Variants in KIF15 observed in about 807,000 individuals in gnomAD.
KIF15 encodes kinesin family member 15.
In KIF15, 140 loss-of-function variants were observed where a neutral mutation model predicts 190.6. The ratio of observed to expected loss-of-function variants is 0.73; its 90% CI spans 0.64 to 0.84. KIF15 has a LOEUF of 0.84. Ranked by LOEUF, KIF15 falls within the 40% of genes least tolerant of loss-of-function variation. The pLI is 0.00. For missense variants in KIF15, 1,372 were observed against 1,584.4 expected, an observed-to-expected ratio of 0.87 and a Z score of 2.28; for synonymous variants, 528 against 551.3, an observed-to-expected ratio of 0.96 and a Z score of 0.59.
Position 44,852,195 on chromosome 3 carries a change from T to C in KIF15, c.3973-13T>C. The C allele has an allele frequency of 6.2e-7, 1 of 1,604,344 alleles. No homozygotes were observed. The highest frequency in any genetic ancestry group is 8.5e-7 in the Non-Finnish European group (1 of 1,174,714). The stretch of plus-strand genomic sequence containing the variant: ...ACTTCTCATTTTTCCCTCCTTGGAT[T>C]GATTACCTGCAGGAGATGGAAATGT... On this transcript the variant is annotated splice_polypyrimidine_tract_variant and intron_variant, in intron 33 of 34. Coordinates refer to ENST00000326047, the MANE Select transcript of KIF15 (RefSeq NM_020242.3).
intron 7 of KIF15, among the ~76,000 whole-genome samples, chr3:44,792,972 A>G (rs578053235): frequency 6.6e-6 from 1 of 152,280 alleles, no homozygotes; most frequent in Admixed American, 6.5e-5. Flanking sequence ...TACCCTATAT[A>G]TACTGTTACC....
chr3:44,814,336 T>C (rs1173454640), intron 19 of KIF15, among the ~76,000 whole-genome samples: 11 of 152,096 alleles, frequency 7.2e-5, no homozygotes, highest in Admixed American at 6.5e-4. Context: ...TGAGACAGAG[T>C]CTCACTTTGT....
downstream of KIF15, among the ~76,000 whole-genome samples, chr3:44,856,397 G>A (rs935799958): frequency 2.6e-5 from 4 of 152,192 alleles, no homozygotes; most frequent in Non-Finnish European, 4.4e-5. Context: ...AGATTTCCAC[G>A]ATGGAAAGGA....
chr3:44,776,510 CT>C (rs1199871456), intron 3 of KIF15, among the ~76,000 whole-genome samples: 1 of 151,796 alleles, frequency 6.6e-6, no homozygotes, highest in East Asian at 1.9e-4. Context: ...TTAAATAAAA[CT>C]TGAAAGTCAG....
Position 44,852,455 on chromosome 3 carries a change from C to T in KIF15, c.4104+116C>T, listed in dbSNP as rs1699095109. ...TTAACTGCTTACTTCAGGGAGCTTCCTGAATTAAAAAAAAAAAAAAAGTTG... is the reference window on the plus strand; with the variant it reads ...TTAACTGCTTACTTCAGGGAGCTTCTTGAATTAAAAAAAAAAAAAAAGTTG... On this transcript the variant is annotated intron_variant, in intron 34 of 34. Transcript: ENST00000326047. 4 of 1,065,948 alleles carry T rather than the reference C, an allele frequency of 3.8e-6. No individual in the cohort carries two copies. The African/African-American group carries it at 4.9e-5, about 13-fold the overall frequency. The allele number at this position is 1,065,948 out of a possible 1,614,324, so 66.0% of individuals were successfully genotyped here.
chr3:44,841,338 A>G, intron 29 of KIF15, 100 bp downstream of exon 29: 3 of 811,894 alleles, frequency 3.7e-6, no homozygotes, highest in Non-Finnish European at 5.8e-6. Flanking sequence ...TGCCTCAGCC[A>G]CCCAGTATCT....
chr3:44,783,059 C>T (rs761834771), intron 5 of KIF15, among the ~76,000 whole-genome samples: 21 of 151,930 alleles, frequency 1.4e-4, no homozygotes, highest in Non-Finnish European at 2.5e-4. Context: ...GGAATAAAGA[C>T]GATTAGGGGA....
intron 5 of KIF15, among the ~76,000 whole-genome samples, chr3:44,782,197 T>C (rs1706200604): frequency 6.6e-6 from 1 of 152,084 alleles, no homozygotes; most frequent in Admixed American, 6.5e-5. Flanking sequence ...ATTGCAGGCA[T>C]GCGCCACCAC....
intron 26 of KIF15, among the ~76,000 whole-genome samples, chr3:44,833,286 G>A (rs114585194): frequency 6.6e-6 from 1 of 151,906 alleles, no homozygotes; most frequent in Non-Finnish European, 1.5e-5. Context: ...AGGAGTGTGA[G>A]GGGGGCTGGT....
intron 23 of KIF15, 78 bp from the exon 24 acceptor site, chr3:44,828,136 T>C: frequency 2.0e-6 from 2 of 996,826 alleles, no homozygotes; most frequent in South Asian, 1.4e-5. Flanking sequence ...GAAAAGCTGC[T>C]TTCAACTTGT....
intron 7 of KIF15, among the ~76,000 whole-genome samples, chr3:44,788,764 T>G (rs1706531968): frequency 6.6e-6 from 1 of 152,210 alleles, no homozygotes; most frequent in Admixed American, 6.5e-5. Context: ...TTTGTCTTGT[T>G]TTATTATCAA....
intron 20 of KIF15, among the ~76,000 whole-genome samples, chr3:44,818,105 T>C (rs553808173): frequency 6.6e-5 from 10 of 152,308 alleles, no homozygotes; most frequent in Non-Finnish European, 1.2e-4. Context: ...ATCCTGAGAC[T>C]TTGCTGAAGT....
Position 44,774,400 on chromosome 3 carries a change from T to C in KIF15, c.25T>C (p.Leu9=), listed in dbSNP as rs1705779684. The C allele has an allele frequency of 1.2e-6, 2 of 1,612,708 alleles. No individual in the cohort carries two copies. Among genetic ancestry groups the C allele is most frequent in the Non-Finnish European group, 1.7e-6 (2 of 1,179,446 alleles). MAPGCKTE[L]RSVTNGQSNQ... is the part of the protein sequence containing the mutation. Reference sequence around the variant, plus strand: ...ATAACTTTTTTTTTTTCTAGCTGAGTTACGCAGCGTGACAAATGGTCAGTC... The same window carrying C: ...ATAACTTTTTTTTTTTCTAGCTGAGCTACGCAGCGTGACAAATGGTCAGTC... Residue 9 remains leucine (L), a synonymous_variant, in exon 2 of 35, where the codon TTA becomes CTA. Coordinates refer to ENST00000326047, the MANE Select transcript of KIF15 (RefSeq NM_020242.3).
At chr3:44,819,435 G>C (rs6799455) in intron 20 of KIF15, among the ~76,000 whole-genome samples, 2,834 of 152,256 alleles carry the variant, frequency 0.019, 74 homozygotes, top group African/African-American at 0.063. Context: ...AGAGATTCTG[G>C]TACATTGTAT....
chr3:44,817,000 A>G (rs1489694695), intron 20 of KIF15, among the ~76,000 whole-genome samples: 1 of 147,140 alleles, frequency 6.8e-6, no homozygotes, highest in Non-Finnish European at 1.5e-5. Flanking sequence ...GATGATGAGC[A>G]TTTTTTTCAT....
intron 6 of KIF15, chr3:44,863,111 T>TA (rs1437455288): frequency 1.8e-4 from 28 of 152,080 alleles, no homozygotes. Context: ...ATTTTTTTTT[T>TA]AGCTCATCAT....
chr3:44,867,196 C>T (rs1037613186), intron 6 of KIF15, among the ~76,000 whole-genome samples: 5 of 152,182 alleles, frequency 3.3e-5, no homozygotes, highest in African/African-American at 9.7e-5. Flanking sequence ...TCAGCTCAGT[C>T]CCTACCTCTG....
intron 16 of KIF15, among the ~76,000 whole-genome samples, chr3:44,808,737 G>T (rs973137835): frequency 3.3e-5 from 5 of 151,966 alleles, no homozygotes; most frequent in Admixed American, 3.3e-4. Flanking sequence ...CAAGGAATAT[G>T]AGCCTCATAC....
chr3:44,787,576 A>G (rs1706471956), intron 7 of KIF15, among the ~76,000 whole-genome samples: 1 of 152,164 alleles, frequency 6.6e-6, no homozygotes, highest in Non-Finnish European at 1.5e-5. Context: ...ATGTGTATAC[A>G]TACATACTCA....
Sources: allele counts gnomAD v4.1 joint callset (sites outside exome capture counted in the v4.1 genomes callset), GRCh38; gene constraint gnomAD v4.1.1; transcripts MANE v1.5; gene names NCBI Gene and HGNC (gene_info 2026-07-23, HGNC 2026-07-21).